The following ACSS3 variants were observed in gnomAD, a reference collection of about 807,000 sequenced individuals.
The protein encoded by ACSS3 is acyl-CoA synthetase short chain family member 3.
In ACSS3, 64 loss-of-function variants were observed where a neutral mutation model predicts 84.2. The ratio of observed to expected loss-of-function variants is 0.76; its 90% CI spans 0.62 to 0.94. The LOEUF (loss-of-function observed/expected upper bound fraction) is 0.94, where lower values mean the gene tolerates loss of function less well. Ranked by LOEUF, ACSS3 falls within the 40% of genes least tolerant of loss-of-function variation. The pLI, the probability that ACSS3 is intolerant of heterozygous loss-of-function variation, is 0.00. For missense variants in ACSS3, 815 were observed against 867.6 expected, an observed-to-expected ratio of 0.94 and a Z score of 0.76; for synonymous variants, 317 against 310.1, an observed-to-expected ratio of 1.02 and a Z score of -0.23.
intron 8 of ACSS3, among the ~76,000 whole-genome samples, chr12:81,188,803 A>T (rs1001950292): frequency 1.3e-5 from 2 of 152,080 alleles, no homozygotes; most frequent in African/African-American, 2.4e-5. Context: ...AAGTTGGCAG[A>T]TACAGTCATA....
intron 2 of ACSS3, among the ~76,000 whole-genome samples, chr12:81,113,069 G>A (rs145778859): frequency 4.9e-4 from 75 of 152,176 alleles, no homozygotes; most frequent in African/African-American, 1.8e-3. Flanking sequence ...TATTTGTTTT[G>A]TATGCCAAAC....
Position 81,238,152 on chromosome 12 carries a change from G to A in ACSS3, c.1719+4681G>A, listed in dbSNP as rs142744334. ...TTTTTCTTCTTCAGCCTATTGATGC[G>A]ATGGATTACTTTGATTATTGAATTT... On this transcript the variant is annotated intron_variant, in intron 13 of 15. Coordinates refer to ENST00000548058, the MANE Select transcript of ACSS3 (RefSeq NM_024560.4). 3.7e-3 allele frequency among the ~76,000 whole-genome samples: 562 copies of A among 151,826 alleles called. 1 individual carries two copies. Among genetic ancestry groups the A allele is most frequent in the African/African-American group, 8.9e-3 (368 of 41,476 alleles).
chr12:81,132,394 A>G (rs1312965642), intron 2 of ACSS3, among the ~76,000 whole-genome samples: 2 of 152,126 alleles, frequency 1.3e-5, no homozygotes, highest in African/African-American at 4.8e-5. Flanking sequence ...CATTTCTTCT[A>G]GATTTTCTAG....
At chr12:81,088,689 C>A (rs1273183887) in intron 1 of ACSS3, among the ~76,000 whole-genome samples, 1 of 151,994 alleles carries the variant, frequency 6.6e-6, no homozygotes, top group Non-Finnish European at 1.5e-5. Flanking sequence ...AAGATTTCAA[C>A]CCAGGCTGGC....
chr12:81,123,934 G>A (rs1323464596), intron 2 of ACSS3, among the ~76,000 whole-genome samples: 2 of 152,150 alleles, frequency 1.3e-5, no homozygotes, highest in Non-Finnish European at 2.9e-5. Flanking sequence ...TGGAACATAT[G>A]AGTCCATGTA....
At chr12:81,184,859 A>G (rs996268722) in intron 8 of ACSS3, among the ~76,000 whole-genome samples, 7 of 151,766 alleles carry the variant, frequency 4.6e-5, no homozygotes, top group Non-Finnish European at 1.0e-4. Context: ...AAATAAAGCT[A>G]GAAGTGTACT....
intron 2 of ACSS3, among the ~76,000 whole-genome samples, chr12:81,126,089 T>C (rs2574745): frequency 0.84 from 127,609 of 151,914 alleles, 55,830 homozygotes; most frequent in Non-Finnish European, 0.96. Flanking sequence ...AACAAGACTC[T>C]GTATCATGTC....
chr12:81,195,459 T>C (rs1565714547), intron 8 of ACSS3, among the ~76,000 whole-genome samples: 1 of 152,134 alleles, frequency 6.6e-6, no homozygotes. Context: ...TTTTTCATTC[T>C]GCTATAACAG....
chr12:81,252,963 T>TA (rs2034197997), intron 13 of ACSS3, among the ~76,000 whole-genome samples: 2 of 152,320 alleles, frequency 1.3e-5, no homozygotes, highest in South Asian at 4.1e-4. Context: ...CAGAGGTTTG[T>TA]TTACATACAG....
At chr12:81,217,093 T>A in intron 10 of ACSS3, 97 bp downstream of exon 10, 1 of 906,490 alleles carries the variant, frequency 1.1e-6, no homozygotes, top group Non-Finnish European at 1.7e-6. Context: ...AGGGGCTTAA[T>A]TAGAATCTGG....
At chr12:81,105,445 A>G (rs184563034) in intron 1 of ACSS3, among the ~76,000 whole-genome samples, 11 of 152,314 alleles carry the variant, frequency 7.2e-5, no homozygotes, top group Admixed American at 5.2e-4. Context: ...ATCATCTATA[A>G]ATGAATGAGT....
At chr12:81,137,377 T>C (rs915661549) in intron 3 of ACSS3, among the ~76,000 whole-genome samples, 25 of 149,812 alleles carry the variant, frequency 1.7e-4, no homozygotes, top group Admixed American at 1.5e-3. Flanking sequence ...CTAATACTCC[T>C]TTGTTAAGGG....
Position 81,225,615 on chromosome 12 carries a change from G to T in ACSS3, c.1515-5442G>T, listed in dbSNP as rs553604838. Reference sequence around the variant, plus strand: ...TCACCTGATGAACACTTGAATCGTTGCATTTGATGTCATTTCATTAACTTA... The same window carrying T: ...TCACCTGATGAACACTTGAATCGTTTCATTTGATGTCATTTCATTAACTTA... On this transcript the variant is annotated intron_variant, in intron 11 of 15. Coordinates refer to ENST00000548058, the MANE Select transcript of ACSS3 (RefSeq NM_024560.4). 2.6e-5 allele frequency among the ~76,000 whole-genome samples: 4 copies of T among 152,002 alleles called. No individual in the cohort carries two copies. The South Asian group carries it at 8.3e-4, about 31-fold the overall frequency.
intron 7 of ACSS3, among the ~76,000 whole-genome samples, chr12:81,157,321 C>T (rs1418618026): frequency 1.3e-5 from 2 of 152,080 alleles, no homozygotes; most frequent in Admixed American, 1.3e-4. Context: ...TAATGAAGAG[C>T]TATCAGAAAA....
In ACSS3 at chr12:81,078,292, A is replaced by G. The variant is rs150343298; in HGVS notation, c.172A>G (p.Ser58Gly). Residue 58 changes from serine to glycine, a missense_variant, in exon 1 of 16, where the codon AGT (serine) becomes GGT (glycine). Ser to Gly is a moderately conservative substitution (Grantham distance 56, BLOSUM62 0). Coordinates refer to ENST00000548058, the MANE Select transcript of ACSS3 (RefSeq NM_024560.4). ...GGGATGCAGGGCACTGTCCTCCGGC[A>G]GTGGCAGCGAGTACAAGACCCACTT... ...GRGCRALSSG[S>G]GSEYKTHFAA... 159 of 1,611,912 alleles carry G rather than the reference A, an allele frequency of 9.9e-5. No individual in the cohort carries two copies. Among genetic ancestry groups the G allele is most frequent in the East Asian group, 4.0e-4 (18 of 44,806 alleles).
intron 5 of ACSS3, among the ~76,000 whole-genome samples, chr12:81,145,871 A>G (rs1360586337): frequency 1.3e-5 from 2 of 152,188 alleles, no homozygotes; most frequent in Non-Finnish European, 2.9e-5. Context: ...ACTGGGGTAC[A>G]GGACTGGTGA....
intron 13 of ACSS3, among the ~76,000 whole-genome samples, chr12:81,249,683 A>C (rs960033304): frequency 6.6e-6 from 1 of 151,592 alleles, no homozygotes; most frequent in African/African-American, 2.4e-5. Flanking sequence ...ATAGTTCCTG[A>C]GTATTCACAT....
rs142658016 is a variant in ACSS3, at chr12:81,239,046, G to A, written c.1719+5575G>A. 1.7e-3 allele frequency among the ~76,000 whole-genome samples: 260 copies of A among 151,598 alleles called. 2 individuals are homozygous for A. Among genetic ancestry groups the A allele is most frequent in the African/African-American group, 5.9e-3 (244 of 41,396 alleles). ...GTTGCTGCATCCCATAAATATTGATGTTATATTATAATTTTCATTTAGTTA... is the reference window on the plus strand; with the variant it reads ...GTTGCTGCATCCCATAAATATTGATATTATATTATAATTTTCATTTAGTTA... On this transcript the variant is annotated intron_variant, in intron 13 of 15. Coordinates refer to ENST00000548058, the MANE Select transcript of ACSS3 (RefSeq NM_024560.4).
At chr12:81,113,410 C>T (rs529187919) in intron 2 of ACSS3, among the ~76,000 whole-genome samples, 1 of 152,218 alleles carries the variant, frequency 6.6e-6, no homozygotes, top group African/African-American at 2.4e-5. Flanking sequence ...TACAAATGTT[C>T]CTTTCCACAC....
Sources: allele counts gnomAD v4.1 joint callset (sites outside exome capture counted in the v4.1 genomes callset), GRCh38; gene constraint gnomAD v4.1.1; transcripts MANE v1.5; gene names NCBI Gene and HGNC (gene_info 2026-07-23, HGNC 2026-07-21).